ANKRD44: variants seen among roughly 807,000 people sequenced by gnomAD.
The protein encoded by ANKRD44 is serine/threonine-protein phosphatase 6 regulatory ankyrin repeat subunit B.
Under a neutral mutation model 116.0 loss-of-function variants are expected in ANKRD44, and 35 were observed. The observed-to-expected ratio is 0.30, with a 90% CI of 0.23 to 0.40. The LOEUF (loss-of-function observed/expected upper bound fraction) is 0.40, where lower values mean the gene tolerates loss of function less well. ANKRD44 is among the 10% of genes least tolerant of loss of function. The pLI is 1.00. For missense variants in ANKRD44, 1,014 were observed against 1,242.6 expected, an observed-to-expected ratio of 0.82 and a Z score of 2.77; for synonymous variants, 435 against 461.8, an observed-to-expected ratio of 0.94 and a Z score of 0.74.
chr2:197,007,703 G>T, intron 20 of ANKRD44, 103 bp downstream of exon 20: 1 of 766,366 alleles, frequency 1.3e-6, no homozygotes, highest in Non-Finnish European at 2.2e-6. Context: ...AACATTTTTT[G>T]CTAAAAATCC....
At chr2:197,204,062 A>G (rs2081152318) in intron 1 of ANKRD44, among the ~76,000 whole-genome samples, 1 of 152,206 alleles carries the variant, frequency 6.6e-6, no homozygotes, top group Non-Finnish European at 1.5e-5. Flanking sequence ...ACCTTTTAAA[A>G]TGGTTAAAAT....
At chr2:197,020,807 T>TA (rs1287272416) in intron 17 of ANKRD44, among the ~76,000 whole-genome samples, 5,437 of 151,262 alleles carry the variant, frequency 0.036, 340 homozygotes, top group African/African-American at 0.13. Context: ...GAGTTTTTTA[T>TA]TATTATTATA....
At chr2:197,254,874 C>T (rs182782712) in intron 1 of ANKRD44, among the ~76,000 whole-genome samples, 1 of 152,248 alleles carries the variant, frequency 6.6e-6, no homozygotes, top group Non-Finnish European at 1.5e-5. Flanking sequence ...TCATCATGTC[C>T]CCAGAGGGGT....
intron 9 of ANKRD44, among the ~76,000 whole-genome samples, chr2:197,103,136 G>A (rs1369809303): frequency 2.6e-5 from 4 of 151,348 alleles, no homozygotes; most frequent in Admixed American, 1.3e-4. Context: ...GCTGAGGCAG[G>A]AGAATGGTGT....
At chr2:197,122,185 G>T (rs1451436509) in intron 7 of ANKRD44, among the ~76,000 whole-genome samples, 2 of 152,074 alleles carry the variant, frequency 1.3e-5, no homozygotes, top group African/African-American at 4.8e-5. Flanking sequence ...TTCCTTTCTT[G>T]GGGGACAGGA....
intron 1 of ANKRD44, among the ~76,000 whole-genome samples, chr2:197,300,349 G>T (rs2083863265): frequency 1.3e-5 from 2 of 152,150 alleles, no homozygotes; most frequent in Admixed American, 6.5e-5. Context: ...TCACTCACCT[G>T]GGTTCTACCC....
chr2:197,082,584 C>T (rs1334764646), intron 14 of ANKRD44, among the ~76,000 whole-genome samples: 53 of 152,142 alleles, frequency 3.5e-4, no homozygotes, highest in Admixed American at 3.3e-3. Context: ...CATATGGGGT[C>T]ATGACTGTAA....
intron 1 of ANKRD44, among the ~76,000 whole-genome samples, chr2:197,285,679 G>C (rs2083386484): frequency 1.3e-5 from 2 of 152,138 alleles, no homozygotes; most frequent in South Asian, 4.1e-4. Context: ...CTCATCTCAG[G>C]CATGCCCCCA....
At chr2:197,092,688 G>A (rs1286094308) in intron 10 of ANKRD44, among the ~76,000 whole-genome samples, 3 of 152,140 alleles carry the variant, frequency 2.0e-5, no homozygotes, top group African/African-American at 7.2e-5. Context: ...AGAACTGCTT[G>A]TAATTGCCTC....
rs2075852365 is a variant in ANKRD44, at chr2:196,987,594, C to A, written c.*1997G>T. On this transcript the variant is annotated 3_prime_UTR_variant, in exon 28 of 28. Transcript: ENST00000282272. ...ATGATAAACCAAGCAGTGTTTACTGCCTAAAGTACCAAAACATACTATGGT... is the reference window on the plus strand; with the variant it reads ...ATGATAAACCAAGCAGTGTTTACTGACTAAAGTACCAAAACATACTATGGT... 1.0e-6 allele frequency: 1 copy of A among 985,278 alleles called. No individual in the cohort carries two copies. Among genetic ancestry groups the A allele is most frequent in the Non-Finnish European group, 1.2e-6 (1 of 829,850 alleles). The allele number at this position is 985,278 out of a possible 1,614,324, so 61.0% of individuals were successfully genotyped here. A position where few individuals can be genotyped will look rare whatever the true frequency, so the allele number is the denominator to read the frequency against.
At chr2:197,013,784 G>C (rs943972333) in intron 17 of ANKRD44, 72 bp from the exon 18 acceptor site, 2 of 1,532,822 alleles carry the variant, frequency 1.3e-6, no homozygotes, top group Non-Finnish European at 1.8e-6. Flanking sequence ...CACAGGAGGG[G>C]CTGGGCTTCC....
chr2:197,121,629 A>G (rs2078856579), intron 7 of ANKRD44, 85 bp from the exon 8 acceptor site: 5 of 1,197,838 alleles, frequency 4.2e-6, no homozygotes, highest in Non-Finnish European at 6.0e-6. Flanking sequence ...GGCTGTGGCT[A>G]GAGAAAGGAA....
chr2:197,210,941 G>C (rs748762519), intron 1 of ANKRD44, among the ~76,000 whole-genome samples: 19 of 152,120 alleles, frequency 1.2e-4, no homozygotes, highest in Non-Finnish European at 2.4e-4. Context: ...GTCCTGTCCT[G>C]CTCCATCAGT....
chr2:196,968,807 C>A (rs2075694066), intron 21 of ANKRD44, among the ~76,000 whole-genome samples: 1 of 152,150 alleles, frequency 6.6e-6, no homozygotes, highest in African/African-American at 2.4e-5. Flanking sequence ...ACAATTGCAT[C>A]ACTTTTACTA....
chr2:197,074,821 G>A (rs921186518), intron 16 of ANKRD44, among the ~76,000 whole-genome samples: 2 of 152,086 alleles, frequency 1.3e-5, no homozygotes, highest in South Asian at 4.1e-4. Flanking sequence ...ATTCAGAGCC[G>A]GGTGGTAATG....
chr2:197,197,131 A>G (rs1320379642), intron 1 of ANKRD44, among the ~76,000 whole-genome samples: 1 of 152,228 alleles, frequency 6.6e-6, no homozygotes, highest in Non-Finnish European at 1.5e-5. Context: ...ACATGGAATG[A>G]AAATCTATTA....
At chr2:197,128,030 G>A (rs2079016245) in intron 4 of ANKRD44, among the ~76,000 whole-genome samples, 3 of 152,154 alleles carry the variant, frequency 2.0e-5, no homozygotes, top group African/African-American at 7.2e-5. Context: ...AGTATTCCAT[G>A]GTGTATAGGT....
At chr2:196,997,209 G>A (rs2076028761) in intron 25 of ANKRD44, among the ~76,000 whole-genome samples, 2 of 151,690 alleles carry the variant, frequency 1.3e-5, no homozygotes, top group Admixed American at 6.6e-5. Flanking sequence ...TTTCAGGTAA[G>A]AGATACTGAA....
At chr2:197,035,653 T>C (rs958598314) in intron 16 of ANKRD44, among the ~76,000 whole-genome samples, 1 of 152,162 alleles carries the variant, frequency 6.6e-6, no homozygotes, top group African/African-American at 2.4e-5. Context: ...GGAAAGTTGG[T>C]GCCTGTGTCA....
Sources: gnomAD v4.1 joint callset for allele counts (sites outside exome capture counted in the v4.1 genomes callset) on GRCh38, gnomAD v4.1.1 for gene constraint, MANE v1.5 for transcripts, NCBI Gene and HGNC (gene_info 2026-07-23, HGNC 2026-07-21) for gene names.